Variants in RIT2 observed in about 807,000 individuals in gnomAD.
RIT2 encodes Ras like without CAAX 2.
In RIT2, 24 loss-of-function variants were observed where a neutral mutation model predicts 23.7. That is an observed-to-expected ratio of 1.01 (90% CI 0.73 to 1.43). The LOEUF is 1.43. RIT2 is among the 40% of genes most tolerant of loss of function. The probability of loss-of-function intolerance (pLI) is 0.00; values close to 1 mark genes in which losing one functional copy is unlikely to be tolerated. For synonymous variants in RIT2, 107 were observed against 91.1 expected (o/e 1.17, Z -0.99); for missense variants, 236 against 266.9 (o/e 0.88, Z 0.81).
At chr18:43,093,374 G>A (rs144153533) in intron 1 of RIT2, among the ~76,000 whole-genome samples, 54 of 152,164 alleles carry the variant, frequency 3.5e-4, no homozygotes, top group Admixed American at 3.9e-4. Flanking sequence ...AGATGGAAAT[G>A]TGCTTTCCTG....
At chr18:42,866,041 T>C (rs1277949635) in intron 4 of RIT2, among the ~76,000 whole-genome samples, 1 of 152,162 alleles carries the variant, frequency 6.6e-6, no homozygotes, top group Non-Finnish European at 1.5e-5. Flanking sequence ...ACCAGCACCA[T>C]CACTTATCTA....
intron 3 of RIT2, among the ~76,000 whole-genome samples, chr18:42,936,921 G>T (rs1294467073): frequency 1.3e-5 from 2 of 151,806 alleles, no homozygotes; most frequent in Non-Finnish European, 2.9e-5. Context: ...CTGAGGCAGG[G>T]GAATCGCTTG....
At chr18:43,097,609 G>C (rs1390612172) in intron 1 of RIT2, among the ~76,000 whole-genome samples, 3 of 151,888 alleles carry the variant, frequency 2.0e-5, no homozygotes, top group African/African-American at 7.2e-5. Flanking sequence ...AGTTCCTTTT[G>C]TCTGGAACAA....
At chr18:42,805,911 AGTTT>A (rs889128887) in intron 4 of RIT2, among the ~76,000 whole-genome samples, 4 of 151,866 alleles carry the variant, frequency 2.6e-5, no homozygotes, top group Non-Finnish European at 4.4e-5. Flanking sequence ...GAATACTCAT[AGTTT>A]GTTTGTCAGT....
chr18:42,906,447 T>G (rs1046528795), intron 4 of RIT2, among the ~76,000 whole-genome samples: 1 of 152,172 alleles, frequency 6.6e-6, no homozygotes, highest in African/African-American at 2.4e-5. Context: ...ATGTTCCCTT[T>G]GATTACAATA....
At chr18:43,110,851 C>G (rs890599909) in intron 1 of RIT2, among the ~76,000 whole-genome samples, 1 of 151,996 alleles carries the variant, frequency 6.6e-6, no homozygotes. Context: ...TTAAAATAAA[C>G]TTTATTGTGT....
intron 4 of RIT2, among the ~76,000 whole-genome samples, chr18:42,773,166 G>A (rs1913591249): frequency 7.2e-6 from 1 of 139,844 alleles, no homozygotes; most frequent in Non-Finnish European, 1.6e-5. Context: ...TTATGTGTAT[G>A]TAAATAAAGT....
At chr18:42,996,637 C>A (rs888353547) in intron 2 of RIT2, among the ~76,000 whole-genome samples, 36 of 151,860 alleles carry the variant, frequency 2.4e-4, no homozygotes, top group Non-Finnish European at 4.9e-4. Context: ...CAGAGAACAA[C>A]CCCCCTTTGA....
At chr18:42,821,996 C>T (rs1906165159) in intron 4 of RIT2, among the ~76,000 whole-genome samples, 2 of 152,064 alleles carry the variant, frequency 1.3e-5, no homozygotes, top group African/African-American at 4.8e-5. Flanking sequence ...CTAATGAGAT[C>T]AGAAAAGACC....
intron 1 of RIT2, among the ~76,000 whole-genome samples, chr18:43,060,196 T>C (rs1175366075): frequency 6.6e-6 from 1 of 152,102 alleles, no homozygotes; most frequent in Non-Finnish European, 1.5e-5. Context: ...TCAGAGTTCA[T>C]AGAGAATAAG....
intron 2 of RIT2, among the ~76,000 whole-genome samples, chr18:43,003,641 G>A (rs1021351720): frequency 5.3e-5 from 8 of 151,826 alleles, no homozygotes; most frequent in Admixed American, 4.6e-4. Flanking sequence ...ACGATTCTTC[G>A]ATAACCTGTT....
intron 1 of RIT2, among the ~76,000 whole-genome samples, chr18:43,057,815 T>TTTTTTTTTA (rs1555655196): frequency 6.6e-6 from 1 of 150,428 alleles, no homozygotes; most frequent in Non-Finnish European, 1.5e-5. Context: ...TTTTTTTTTT[T>TTTTTTTTTA]ATCATCTAAG....
At chr18:42,886,750 C>CATGAAATTA (rs1242391135) in intron 4 of RIT2, among the ~76,000 whole-genome samples, 6 of 152,018 alleles carry the variant, frequency 3.9e-5, no homozygotes, top group African/African-American at 1.4e-4. Flanking sequence ...GACAGAAGGG[C>CATGAAATTA]AACATGAAAA....
At chr18:43,036,176 A>G (rs1039495439) in intron 1 of RIT2, among the ~76,000 whole-genome samples, 1 of 152,232 alleles carries the variant, frequency 6.6e-6, no homozygotes, top group African/African-American at 2.4e-5. Context: ...TGGATATTAG[A>G]CTTGAGAAAC....
chr18:42,750,361 T>C (rs1282848756), intron 4 of RIT2, among the ~76,000 whole-genome samples: 1 of 151,850 alleles, frequency 6.6e-6, no homozygotes, highest in East Asian at 1.9e-4. Flanking sequence ...TATTAACCAA[T>C]ATGGTGATTT....
chr18:42,941,104 C>A (rs1054781346), intron 3 of RIT2, among the ~76,000 whole-genome samples: 1 of 151,980 alleles, frequency 6.6e-6, no homozygotes, highest in Non-Finnish European at 1.5e-5. Flanking sequence ...GGGAAAGGAG[C>A]AATAGTTTGA....
chr18:43,026,261 G>A (rs1364452274), intron 2 of RIT2, among the ~76,000 whole-genome samples: 1 of 151,876 alleles, frequency 6.6e-6, no homozygotes, highest in Non-Finnish European at 1.5e-5. Flanking sequence ...TTACCTTAGA[G>A]ATAAGAAAGG....
intron 1 of RIT2, among the ~76,000 whole-genome samples, chr18:43,089,973 G>A (rs959998055): frequency 2.4e-4 from 36 of 152,170 alleles, no homozygotes; most frequent in African/African-American, 8.4e-4. Flanking sequence ...CTGGACCTAG[G>A]AATGGGCAAA....
chr18:43,026,622 AAGAAAGAAAGAAAG>A (rs1318364675), intron 2 of RIT2, among the ~76,000 whole-genome samples: 24 of 137,780 alleles, frequency 1.7e-4, no homozygotes, highest in South Asian at 5.2e-4. Flanking sequence ...GAAAGAAAGA[AAGAAAGAAAGAAAG>A]AGAGAAAGAA....
Sources: allele counts gnomAD v4.1 joint callset (sites outside exome capture counted in the v4.1 genomes callset), GRCh38; gene constraint gnomAD v4.1.1; transcripts MANE v1.5; gene names NCBI Gene and HGNC (gene_info 2026-07-23, HGNC 2026-07-21).